Variants in PHF24 observed in about 807,000 individuals in gnomAD.
The protein encoded by PHF24 is Galpha inhibitory interacting protein.
PHF24 carries 25 observed loss-of-function variants against 42.6 expected under a neutral mutation model. That is an observed-to-expected ratio of 0.59 (90% CI 0.43 to 0.82). The LOEUF (loss-of-function observed/expected upper bound fraction) is 0.82, where lower values mean the gene tolerates loss of function less well. Ranked by LOEUF, PHF24 falls within the 40% of genes least tolerant of loss-of-function variation. The pLI, the probability that PHF24 is intolerant of heterozygous loss-of-function variation, is 0.00. For missense variants in PHF24, 470 were observed against 538.1 expected (o/e 0.87, Z 1.25); for synonymous variants, 185 against 204.8 (o/e 0.90, Z 0.83).
the PHF24 span, among the ~76,000 whole-genome samples, chr9:34,916,857 T>A: frequency 6.6e-6 from 1 of 152,326 alleles, no homozygotes; most frequent in East Asian, 1.9e-4. Context: ...CTTAAAAAGA[T>A]AATATTTCAA....
the PHF24 span, chr9:34,893,066 TC>T: frequency 1.0e-6 from 1 of 969,952 alleles, no homozygotes; most frequent in Non-Finnish European, 1.5e-6. Context: ...TTGCTTAATC[TC>T]CAGAGCCATA....
At chr9:34,671,226 T>G in the PHF24 span, among the ~76,000 whole-genome samples, 1 of 152,178 alleles carries the variant, frequency 6.6e-6, no homozygotes, top group African/African-American at 2.4e-5. Flanking sequence ...TTTGGTCTGC[T>G]CACAGAGTAA....
the PHF24 span, among the ~76,000 whole-genome samples, chr9:34,686,885 A>G: frequency 2.0e-5 from 3 of 152,202 alleles, no homozygotes; most frequent in African/African-American, 7.2e-5. Flanking sequence ...AACAATTGTC[A>G]GTGACTCACC....
At chr9:34,742,278 A>G in the PHF24 span, among the ~76,000 whole-genome samples, 1 of 152,250 alleles carries the variant, frequency 6.6e-6, no homozygotes, top group African/African-American at 2.4e-5. Context: ...AAGTCTCCCA[A>G]AGAGGTCCCC....
the PHF24 span, among the ~76,000 whole-genome samples, chr9:34,765,864 C>T: frequency 6.6e-6 from 1 of 151,772 alleles, no homozygotes. Flanking sequence ...ATGTTTAGTG[C>T]TTCCTTCAGG....
the PHF24 span, among the ~76,000 whole-genome samples, chr9:34,797,210 G>A: frequency 2.6e-5 from 4 of 152,158 alleles, no homozygotes; most frequent in Non-Finnish European, 4.4e-5. Flanking sequence ...TTGACCCCAC[G>A]GCAGTGTCTA....
the PHF24 span, among the ~76,000 whole-genome samples, chr9:34,732,432 A>G: frequency 5.9e-5 from 9 of 152,082 alleles, no homozygotes; most frequent in Non-Finnish European, 1.0e-4. Context: ...TTGACAAAAG[A>G]TCTTTTGTCC....
At chr9:34,758,393 C>T in the PHF24 span, among the ~76,000 whole-genome samples, 6 of 152,024 alleles carry the variant, frequency 3.9e-5, no homozygotes, top group East Asian at 1.9e-4. This position sits in a 1 kb window ranked among gnomAD's most constrained non-coding sequence, Gnocchi z 4.4. Context: ...GGCTTAAGGG[C>T]GGGTTCACCA....
intron 3 of PHF24, among the ~76,000 whole-genome samples, chr9:34,973,321 T>G (rs1827071814): frequency 6.6e-6 from 1 of 152,192 alleles, no homozygotes; most frequent in African/African-American, 2.4e-5. Flanking sequence ...AGATCCTCAC[T>G]CAGCCTGCCA....
At chr9:34,681,069 A>T in the PHF24 span, 2 of 152,220 alleles carry the variant, frequency 1.3e-5, no homozygotes, top group African/African-American at 4.8e-5. Flanking sequence ...TTAAGCAAGA[A>T]TTTCCCTTGC....
At chr9:34,689,764 GTAA>G in the PHF24 span, 1 of 1,607,368 alleles carries the variant, frequency 6.2e-7, no homozygotes, top group Non-Finnish European at 8.5e-7. This position sits in a 1 kb window ranked among gnomAD's most constrained non-coding sequence, Gnocchi z 4.1. Flanking sequence ...CCCAGGTTAG[GTAA>G]TAATTCACAA....
chr9:34,709,918 G>A, the PHF24 span: 21 of 1,614,058 alleles, frequency 1.3e-5, no homozygotes, highest in Non-Finnish European at 5.1e-6. Flanking sequence ...GGATTCACAG[G>A]GAGCCAGGGG....
the PHF24 span, among the ~76,000 whole-genome samples, chr9:34,868,943 T>C: frequency 3.4e-3 from 511 of 152,272 alleles, 1 homozygote; most frequent in South Asian, 0.018. Flanking sequence ...GTGTGTGTTG[T>C]TCCCCACCAT....
chr9:34,689,701 A>C, the PHF24 span: 1 of 1,181,264 alleles, frequency 8.5e-7, no homozygotes, highest in Non-Finnish European at 1.2e-6. This position sits in a 1 kb window ranked among gnomAD's most constrained non-coding sequence, Gnocchi z 4.1. Context: ...CTGGCTGGTC[A>C]GGTCTGGTGC....
chr9:34,781,870 C>A, the PHF24 span, among the ~76,000 whole-genome samples: 19 of 152,122 alleles, frequency 1.2e-4, no homozygotes, highest in African/African-American at 2.4e-5. Context: ...CAGTTATCTG[C>A]AAAACTCTGT....
chr9:34,790,829 T>C, the PHF24 span, among the ~76,000 whole-genome samples: 4 of 152,188 alleles, frequency 2.6e-5, no homozygotes, highest in East Asian at 7.7e-4. Flanking sequence ...GAGAGAGCAA[T>C]GCCAGTACCT....
the PHF24 span, among the ~76,000 whole-genome samples, chr9:34,756,476 C>T: frequency 1.3e-5 from 2 of 152,054 alleles, no homozygotes; most frequent in South Asian, 2.1e-4. Context: ...GAGTGTTTTT[C>T]CCCCAGAGTA....
chr9:34,668,374 C>A, the PHF24 span, among the ~76,000 whole-genome samples: 1 of 152,194 alleles, frequency 6.6e-6, no homozygotes, highest in East Asian at 1.9e-4. Context: ...GGCACATCTA[C>A]ATCACACAGG....
chr9:34,977,341 C>A, intron 6 of PHF24, 98 bp downstream of exon 6: 1 of 1,420,382 alleles, frequency 7.0e-7, no homozygotes, highest in Non-Finnish European at 9.6e-7. Flanking sequence ...CTGCCAACAG[C>A]CGAGAGAGGA....
Sources: allele counts gnomAD v4.1 joint callset (sites outside exome capture counted in the v4.1 genomes callset), GRCh38; gene constraint gnomAD v4.1.1; non-coding constraint Gnocchi (gnomAD v3.1); transcripts MANE v1.5; gene names NCBI Gene and HGNC (gene_info 2026-07-23, HGNC 2026-07-21).